TMEM30A: variants seen among roughly 807,000 people sequenced by gnomAD.
TMEM30A encodes the protein cell cycle control protein 50A.
A neutral mutation model predicts 38.2 loss-of-function variants in TMEM30A; 24 were observed. That is an observed-to-expected ratio of 0.63 (90% CI 0.46 to 0.88). The LOEUF (loss-of-function observed/expected upper bound fraction) is 0.88. Among genes scored for constraint, TMEM30A ranks in the 40% least tolerant of loss-of-function variants. The probability of loss-of-function intolerance (pLI) is 0.00; values close to 1 mark genes in which losing one functional copy is unlikely to be tolerated. For synonymous variants in TMEM30A, 145 were observed against 161.6 expected, an observed-to-expected ratio of 0.90 and a Z score of 0.78; for missense variants, 370 against 458.6, an observed-to-expected ratio of 0.81 and a Z score of 1.77.
intron 1 of TMEM30A, among the ~76,000 whole-genome samples, chr6:75,281,054 G>T (rs369470513): frequency 6.6e-6 from 1 of 152,120 alleles, no homozygotes; most frequent in East Asian, 1.9e-4. Context: ...TTTATCAAAC[G>T]TGGGGAATGG....
intron 1 of TMEM30A, among the ~76,000 whole-genome samples, chr6:75,268,417 G>C (rs187067): frequency 0.82 from 124,617 of 152,214 alleles, 52,597 homozygotes; most frequent in Non-Finnish European, 0.93. Context: ...TAGGAGGAAA[G>C]TGGGGCTAAA....
At chr6:75,271,891 T>C (rs957257134) in intron 1 of TMEM30A, among the ~76,000 whole-genome samples, 1 of 152,202 alleles carries the variant, frequency 6.6e-6, no homozygotes, top group Non-Finnish European at 1.5e-5. Flanking sequence ...CATAGAGGAA[T>C]AATAGATGGA....
At chr6:75,256,363 T>G in intron 6 of TMEM30A, 68 bp from the exon 7 acceptor site, 1 of 1,415,550 alleles carries the variant, frequency 7.1e-7, no homozygotes. Context: ...TTTTAAAAGT[T>G]GCCATTTAAT....
Position 75,258,936 on chromosome 6 carries a change from C to G in TMEM30A, c.736G>C (p.Asp246His). The change falls in exon 6 of 7, where the codon GAC becomes CAC. Residue 246 changes from aspartate (D) to histidine (H), a missense_variant. Physicochemically the swap from Asp to His is moderately conservative, Grantham distance 81 (BLOSUM62 -1). Transcript: ENST00000230461. ...WLKPVYMLDS[D>H]PDNNGFINED... ...TTTATGAATCCATTATTATCTGGGT[C>G]AGAATCCAGCATGTAAACTGGTTTA... 1 of 1,613,846 alleles carries G rather than the reference C, an allele frequency of 6.2e-7. No individual in the cohort carries two copies. The highest frequency in any genetic ancestry group is 8.5e-7 in the Non-Finnish European group (1 of 1,179,944).
At chr6:75,258,668 A>T in intron 6 of TMEM30A, 112 bp downstream of exon 6, 1 of 889,820 alleles carries the variant, frequency 1.1e-6, no homozygotes, top group South Asian at 1.7e-5. Flanking sequence ...CTTTTGTAAA[A>T]ATGCAGAGAC....
At chr6:75,263,286 G>C (rs949394012) in intron 3 of TMEM30A, among the ~76,000 whole-genome samples, 3 of 152,312 alleles carry the variant, frequency 2.0e-5, no homozygotes, top group African/African-American at 7.2e-5. Context: ...GATATGTGAT[G>C]AGATAAGAGG....
intron 3 of TMEM30A, 96 bp downstream of exon 3, chr6:75,265,135 C>T (rs1185209374): frequency 1.3e-6 from 1 of 776,778 alleles, no homozygotes; most frequent in Non-Finnish European, 1.9e-6. Flanking sequence ...CTATAAATGA[C>T]AACACTTTAA....
chr6:75,265,409 A>G, intron 2 of TMEM30A, 71 bp from the exon 3 acceptor site: 1 of 842,244 alleles, frequency 1.2e-6, no homozygotes, highest in Non-Finnish European at 1.8e-6. Context: ...ATGTGTACAT[A>G]AAAGCTACGT....
chr6:75,283,659 A>G (rs907991367), intron 1 of TMEM30A, among the ~76,000 whole-genome samples: 1 of 152,034 alleles, frequency 6.6e-6, no homozygotes, highest in African/African-American at 2.4e-5. Context: ...TTTGTAAAAA[A>G]AAAAAACAAA....
chr6:75,263,664 A>AT (rs995468722), intron 3 of TMEM30A, among the ~76,000 whole-genome samples: 2 of 152,222 alleles, frequency 1.3e-5, no homozygotes, highest in Non-Finnish European at 2.9e-5. Flanking sequence ...TTGTGTCACA[A>AT]TGCATGGTTA....
intron 1 of TMEM30A, among the ~76,000 whole-genome samples, chr6:75,274,950 G>T (rs1772236474): frequency 6.6e-6 from 1 of 150,588 alleles, no homozygotes; most frequent in South Asian, 2.1e-4. Flanking sequence ...GGCGGAGCTT[G>T]CAGTAAGCCA....
At chr6:75,269,896 T>G (rs1185011957) in intron 1 of TMEM30A, among the ~76,000 whole-genome samples, 1 of 152,150 alleles carries the variant, frequency 6.6e-6, no homozygotes, top group Non-Finnish European at 1.5e-5. Flanking sequence ...GGTTTCACCA[T>G]GTTGGCTAGG....
At chr6:75,281,011 TAAATA>T (rs1044345422) in intron 1 of TMEM30A, among the ~76,000 whole-genome samples, 1 of 152,058 alleles carries the variant, frequency 6.6e-6, no homozygotes, top group Admixed American at 6.6e-5. Flanking sequence ...TCGAGGGCAG[TAAATA>T]AAATAAGGTG....
Position 75,277,852 on chromosome 6 carries a change from C to T in TMEM30A, c.237+6550G>A, listed in dbSNP as rs569553092. Among the ~76,000 whole-genome samples, 13 of 152,160 alleles carry T rather than the reference C, an allele frequency of 8.5e-5. No individual in the cohort carries two copies. The South Asian group carries it at 1.2e-3, about 15-fold the overall frequency. ...GCCTAGGAGTTTTGAGTTTGCAGTG[C>T]GCTACGACTGTACCACTGCAATGAA... On this transcript the variant is annotated intron_variant, in intron 1 of 6. Coordinates refer to ENST00000230461, the MANE Select transcript of TMEM30A (RefSeq NM_018247.4).
intron 2 of TMEM30A, 71 bp downstream of exon 2, chr6:75,267,564 CTTGTAA>C: frequency 1.0e-6 from 1 of 980,420 alleles, no homozygotes; most frequent in South Asian, 2.1e-5. Flanking sequence ...AGGAAAATAC[CTTGTAA>C]AAGACATTTA....
At chr6:75,271,867 G>A (rs183708076) in intron 1 of TMEM30A, among the ~76,000 whole-genome samples, 33 of 152,218 alleles carry the variant, frequency 2.2e-4, no homozygotes, top group Admixed American at 4.6e-4. Context: ...AATTCTAAGT[G>A]CCAAACTAGA....
intron 4 of TMEM30A, among the ~76,000 whole-genome samples, chr6:75,260,249 C>CA (rs1210181633): frequency 2.0e-5 from 3 of 151,102 alleles, no homozygotes; most frequent in Middle Eastern, 3.2e-3. Flanking sequence ...ACTAAAAATA[C>CA]AAAAAAAATA....
At chr6:75,256,533 T>G (rs1016116932) in intron 6 of TMEM30A, among the ~76,000 whole-genome samples, 5 of 152,022 alleles carry the variant, frequency 3.3e-5, no homozygotes, top group Non-Finnish European at 7.4e-5. Context: ...CAAATAAATG[T>G]AAAGGTTATG....
chr6:75,274,977 C>G (rs1053255617), intron 1 of TMEM30A, among the ~76,000 whole-genome samples: 1 of 147,340 alleles, frequency 6.8e-6, no homozygotes, highest in Non-Finnish European at 1.5e-5. Flanking sequence ...TGCCACTGCA[C>G]TCCAGCCTGG....
Sources: allele counts gnomAD v4.1 joint callset (sites outside exome capture counted in the v4.1 genomes callset), GRCh38; gene constraint gnomAD v4.1.1; transcripts MANE v1.5; gene names NCBI Gene and HGNC (gene_info 2026-07-23, HGNC 2026-07-21).